Variants in PRR35 observed in about 807,000 individuals in gnomAD.
The protein encoded by PRR35 is proline-rich protein 35.
Under a neutral mutation model 18.6 loss-of-function variants are expected in PRR35, and 14 were observed. That is an observed-to-expected ratio of 0.75 (90% CI 0.50 to 1.18). PRR35 has a LOEUF of 1.18. PRR35 is among the 50% of genes most tolerant of loss of function. The pLI, the probability that PRR35 is intolerant of heterozygous loss-of-function variation, is 0.00. For missense variants in PRR35, 832 were observed against 792.2 expected (o/e 1.05, Z -0.60); for synonymous variants, 425 against 378.2 (o/e 1.12, Z -1.43).
At chr16:561,856 T>C in intron 1 of PRR35, 1 of 889,332 alleles carries the variant, frequency 1.1e-6, no homozygotes, top group Middle Eastern at 5.7e-4. Context: ...AGTGCCGTGT[T>C]GGAGTGGTTT....
intron 1 of PRR35, chr16:561,642 C>T (rs2035437135): frequency 1.3e-6 from 1 of 793,788 alleles, no homozygotes; most frequent in Non-Finnish European, 1.5e-6. Flanking sequence ...CCTGCAGGGC[C>T]CCAAGCCTTT....
chr16:560,567 C>T lies in PRR35; in HGVS notation c.-134C>T. 1.0e-6 allele frequency: 1 copy of T among 982,978 alleles called. No individual in the cohort carries two copies. The highest frequency in any genetic ancestry group is 4.7e-5 in the South Asian group (1 of 21,270). 60.9% of individuals were successfully genotyped at this position (982,978 alleles called of 1,614,324 possible). On this transcript the variant is annotated 5_prime_UTR_variant, in exon 1 of 3. Coordinates refer to ENST00000409413, the MANE Select transcript of PRR35 (RefSeq NM_145270.3). ...AGAGCCCCAGCGCGTCCGCGGGGTC[C>T]GAGTCGCGGCCGGCGCGGGGCGGGG...
In PRR35 at chr16:564,231, C is replaced by A; in HGVS notation, c.937C>A (p.Pro313Thr). 6.4e-7 allele frequency: 1 copy of A among 1,570,414 alleles called. No individual in the cohort carries two copies. The highest frequency in any genetic ancestry group is 8.6e-7 in the Non-Finnish European group (1 of 1,163,822). Reference sequence around the variant, plus strand: ...GCCAGTTCCAGGGCTGGGGCCCTGGCCCCGAGTCACCCCCAGGGACCCAGG... The same window carrying A: ...GCCAGTTCCAGGGCTGGGGCCCTGGACCCGAGTCACCCCCAGGGACCCAGG... ...KVPVPGLGPW[P>T]RVTPRDPGQE... Residue 313 changes from proline to threonine, a missense_variant, in exon 2 of 3, where the codon CCC (proline) becomes ACC (threonine). Coordinates refer to ENST00000409413, the MANE Select transcript of PRR35 (RefSeq NM_145270.3).
At chr16:562,900 C>T (rs1261471576) in intron 1 of PRR35, among the ~76,000 whole-genome samples, 2 of 152,204 alleles carry the variant, frequency 1.3e-5, no homozygotes, top group Admixed American at 6.5e-5. Flanking sequence ...AAATAAAGGA[C>T]GCCTAGTTAA....
chr16:564,415 G>A (rs1298873205), intron 2 of PRR35, 39 bp downstream of exon 2: 2 of 1,583,704 alleles, frequency 1.3e-6, no homozygotes, highest in Admixed American at 1.7e-5. Flanking sequence ...GGTGGACGGA[G>A]GGGCTGGGCG....
intron 1 of PRR35, chr16:561,693 A>G (rs1461493132): frequency 2.0e-6 from 2 of 979,826 alleles, no homozygotes; most frequent in East Asian, 1.1e-4. Flanking sequence ...CGTCCCCCCA[A>G]CGGCACCAAC....
rs1038996926 is a variant in PRR35, at chr16:560,575, G to A, written c.-126G>A. On this transcript the variant is annotated 5_prime_UTR_variant, in exon 1 of 3. Coordinates refer to ENST00000409413, the MANE Select transcript of PRR35 (RefSeq NM_145270.3). ...AGCGCGTCCGCGGGGTCCGAGTCGC[G>A]GCCGGCGCGGGGCGGGGAGGGGCGG... 1.0e-5 allele frequency: 10 copies of A among 983,172 alleles called. No individual in the cohort carries two copies. The highest frequency in any genetic ancestry group is 1.2e-5 in the Non-Finnish European group (10 of 829,082). The allele number at this position is 983,172 out of a possible 1,614,324, so 60.9% of individuals were successfully genotyped here. A position where few individuals can be genotyped will look rare whatever the true frequency, so the allele number is the denominator to read the frequency against.
At chr16:563,202 G>A (rs1381847659) in intron 1 of PRR35, 54 bp from the exon 2 acceptor site, 3 of 1,423,440 alleles carry the variant, frequency 2.1e-6, no homozygotes, top group African/African-American at 1.4e-5. Flanking sequence ...GGATGGAGAG[G>A]AGTGGGGAGT....
Position 563,483 on chromosome 16 carries a change from C to T in PRR35, c.189C>T (p.Asp63=), listed in dbSNP as rs1206410088. Residue 63 remains aspartate (D), a synonymous_variant, in exon 2 of 3, where the codon GAC becomes GAT. Transcript: ENST00000409413. ...YNHMKYSLCK[D]SLSLLLDSPD... ...ACATGAAGTACAGCCTCTGCAAGGA[C>T]TCCCTGTCCCTGCTGCTAGACTCCC... is the stretch of plus-strand genomic sequence containing the variant. 1.2e-6 allele frequency: 2 copies of T among 1,612,406 alleles called. No homozygotes were observed. Among genetic ancestry groups the T allele is most frequent in the South Asian group, 1.1e-5 (1 of 91,090 alleles).
rs1479566924 is a variant in PRR35 at position 560,553 on chromosome 16, G to A, written c.-148G>A. 14 of 982,974 alleles carry A rather than the reference G, an allele frequency of 1.4e-5. No individual in the cohort carries two copies. Among genetic ancestry groups the A allele is most frequent in the Non-Finnish European group, 1.6e-5 (13 of 828,988 alleles). The allele number at this position is 982,974 out of a possible 1,614,324, so 60.9% of individuals were successfully genotyped here. A position where few individuals can be genotyped will look rare whatever the true frequency, so the allele number is the denominator to read the frequency against. On this transcript the variant is annotated 5_prime_UTR_variant, in exon 1 of 3. Transcript: ENST00000409413. Reference sequence around the variant, plus strand: ...CGCATCCCACCCCCAGAGCCCCAGCGCGTCCGCGGGGTCCGAGTCGCGGCC... The same window carrying A: ...CGCATCCCACCCCCAGAGCCCCAGCACGTCCGCGGGGTCCGAGTCGCGGCC...
intron 1 of PRR35, 137 bp from the exon 2 acceptor site, chr16:563,119 G>C: frequency 1.2e-6 from 1 of 805,818 alleles, no homozygotes; most frequent in Non-Finnish European, 1.8e-6. Context: ...GGGCTCGGGG[G>C]GCACGTTGCA....
intron 1 of PRR35, among the ~76,000 whole-genome samples, chr16:561,146 G>A (rs1198040972): frequency 6.6e-6 from 1 of 152,230 alleles, no homozygotes; most frequent in Non-Finnish European, 1.5e-5. Context: ...CGGCTGGGAC[G>A]CGCGTGTGAG....
Position 563,956 on chromosome 16 carries a change from C to G in PRR35, c.662C>G (p.Ser221Cys), listed in dbSNP as rs1183151087. ...TACCCGCTCAGCCCCGGCCTCTTCT[C>G]CTACTTGGGGCCCTCACTGGCCGCT... ...VNYPLSPGLF[S>C]YLGPSLAAAA... The change falls in exon 2 of 3, where the codon TCC (serine) becomes TGC (cysteine). Residue 221 changes from serine (S) to cysteine (C), a missense_variant. This residue lies in a region of PRR35 where 768 missense variants were observed against 704.1 expected (regional missense o/e 1.09). Coordinates refer to ENST00000409413, the MANE Select transcript of PRR35 (RefSeq NM_145270.3). The G allele has an allele frequency of 1.3e-6, 2 of 1,599,068 alleles. No individual in the cohort carries two copies. Among genetic ancestry groups the G allele is most frequent in the African/African-American group, 2.7e-5 (2 of 74,622 alleles).
In PRR35 at chr16:564,134, A is replaced by T. The variant is rs1221333091; in HGVS notation, c.840A>T (p.Lys280Asn). ...LEHTLGLPAGKAALAKAPVSP... is the reference protein window; with the variant it reads ...LEHTLGLPAGNAALAKAPVSP... Reference sequence around the variant, plus strand: ...ACACTCTGGGGCTGCCAGCAGGCAAAGCTGCCCTTGCCAAGGCCCCTGTCT... The same window carrying T: ...ACACTCTGGGGCTGCCAGCAGGCAATGCTGCCCTTGCCAAGGCCCCTGTCT... The change falls in exon 2 of 3, where the codon AAA becomes AAT. Residue 280 changes from lysine to asparagine, a missense_variant. Physicochemically the swap from Lys to Asn is moderately conservative, Grantham distance 94. This residue lies in a region of PRR35 where 768 missense variants were observed against 704.1 expected (regional missense o/e 1.09). Transcript: ENST00000409413. 2 of 1,576,062 alleles carry T rather than the reference A, an allele frequency of 1.3e-6. No homozygotes were observed. Among genetic ancestry groups the T allele is most frequent in the Non-Finnish European group, 1.7e-6 (2 of 1,168,972 alleles).
At position 564,712 on chromosome 16, in the gene PRR35, A is replaced by T. The variant is rs1387055526; in HGVS notation, c.1121A>T (p.Asp374Val). 15 of 1,533,468 alleles carry T rather than the reference A, an allele frequency of 9.8e-6. No homozygotes were observed. Among genetic ancestry groups the T allele is most frequent in the African/African-American group, 1.4e-5 (1 of 72,958 alleles). The allele number at this position is 1,533,468 out of a possible 1,614,324, so 95.0% of individuals were successfully genotyped here. A position where few individuals can be genotyped will look rare whatever the true frequency, so the allele number is the denominator to read the frequency against. ...TGSSVMLWPE[D>V]GDPGGPETPG... ...TCCTCTGTGATGCTGTGGCCTGAGG[A>T]CGGGGATCCAGGCGGCCCTGAGACC... Residue 374 changes from aspartate (D) to valine (V), a missense_variant, in exon 3 of 3, where the codon GAC (aspartate) becomes GTC (valine). Asp to Val is a radical substitution (Grantham distance 152, BLOSUM62 -3). Coordinates refer to ENST00000409413, the MANE Select transcript of PRR35 (RefSeq NM_145270.3).
Position 565,286 on chromosome 16 carries a change from C to T in PRR35, c.1695C>T (p.Ser565=), listed in dbSNP as rs962168253. Residue 565 remains serine (S), a synonymous_variant, in exon 3 of 3, where the codon AGC becomes AGT. Coordinates refer to ENST00000409413, the MANE Select transcript of PRR35 (RefSeq NM_145270.3). ...QTPEAVCGLQ[S]PQGAEV is the part of the protein sequence containing the mutation. The stretch of plus-strand genomic sequence containing the variant: ...CTGAGGCTGTCTGTGGCCTGCAGAG[C>T]CCCCAGGGCGCCGAGGTCTGACCTG... The T allele has an allele frequency of 6.5e-7, 1 of 1,527,902 alleles. No homozygotes were observed. Among genetic ancestry groups the T allele is most frequent in the Admixed American group, 2.0e-5 (1 of 49,024 alleles). The allele number at this position is 1,527,902 out of a possible 1,614,324, so 94.6% of individuals were successfully genotyped here. A position where few individuals can be genotyped will look rare whatever the true frequency, so the allele number is the denominator to read the frequency against.
chr16:564,249 G>C lies in PRR35; in HGVS notation c.955G>C (p.Asp319His), dbSNP rs1408451195. The change falls in exon 2 of 3, where the codon GAC becomes CAC. Residue 319 changes from aspartate (D) to histidine (H), a missense_variant. This residue lies in a region of PRR35 where 768 missense variants were observed against 704.1 expected (regional missense o/e 1.09). Transcript: ENST00000409413. ...GCCCTGGCCCCGAGTCACCCCCAGG[G>C]ACCCAGGGCAGGAGGGGGAGCTGGA... ...LGPWPRVTPR[D>H]PGQEGELERA... 1.3e-6 allele frequency: 2 copies of C among 1,577,122 alleles called. No homozygotes were observed. The highest frequency in any genetic ancestry group is 2.3e-5 in the East Asian group (1 of 43,528).
In PRR35 at chr16:560,914, T is replaced by G. The variant is rs916478105; in HGVS notation, c.-40+253T>G. 5.2e-4 allele frequency among the ~76,000 whole-genome samples: 67 copies of G among 127,886 alleles called. 1 individual carries two copies. In the East Asian group the frequency reaches 0.013, roughly 26 times the overall value. The allele number at this position is 127,886 out of a possible 152,430, so 83.9% of individuals were successfully genotyped here. A position where few individuals can be genotyped will look rare whatever the true frequency, so the allele number is the denominator to read the frequency against. On this transcript the variant is annotated intron_variant, in intron 1 of 2. Transcript: ENST00000409413. ...ACCTCGCGCTCGCCGCACCCGCCTG[T>G]GTGGGGCGCCCTGCGTTCCCGGGGG...
chr16:561,974 G>A (rs961135519), intron 1 of PRR35, among the ~76,000 whole-genome samples: 7 of 152,242 alleles, frequency 4.6e-5, no homozygotes, highest in Non-Finnish European at 8.8e-5. Context: ...CCCGCACTTG[G>A]TGGCAGACTC....
Sources: gnomAD v4.1 joint callset for allele counts (sites outside exome capture counted in the v4.1 genomes callset) on GRCh38, gnomAD v4.1.1 for gene constraint, gnomAD v4.1.1 regional missense constraint, MANE v1.5 for transcripts, NCBI Gene and HGNC (gene_info 2026-07-23, HGNC 2026-07-21) for gene names.